PDE9A: variants seen among roughly 807,000 people sequenced by gnomAD.
PDE9A encodes the protein phosphodiesterase 9A.
A neutral mutation model predicts 87.4 loss-of-function variants in PDE9A; 60 were observed. That is an observed-to-expected ratio of 0.69 (90% confidence interval 0.56 to 0.85). PDE9A has a LOEUF of 0.85. PDE9A is among the 40% of genes least tolerant of loss of function. PDE9A has a pLI of 0.00. For synonymous variants in PDE9A, 272 were observed against 279.4 expected, an observed-to-expected ratio of 0.97 and a Z score of 0.27; for missense variants, 665 against 779.0, an observed-to-expected ratio of 0.85 and a Z score of 1.74.
chr21:42,754,082 A>G lies in PDE9A; in HGVS notation c.810+18A>G. The G allele has an allele frequency of 1.3e-6, 2 of 1,580,022 alleles. No individual in the cohort carries two copies. The highest frequency in any genetic ancestry group is 1.7e-6 in the Non-Finnish European group (2 of 1,150,532). On this transcript the variant is annotated intron_variant, in intron 10 of 19. Transcript: ENST00000291539. ...CCAATGAGGTAAGTGCGGGGCTTGC[A>G]GGCACCACGTCCCAGGGGGAGGCAG...
chr21:42,673,292 A>G (rs943974559), intron 1 of PDE9A, among the ~76,000 whole-genome samples: 11 of 152,254 alleles, frequency 7.2e-5, no homozygotes, highest in Middle Eastern at 3.4e-3. Context: ...TACAACATCA[A>G]CAACTGACCA....
rs537964286 is a variant in PDE9A, at chr21:42,692,739, G to C, written c.218+4745G>C. On this transcript the variant is annotated intron_variant, in intron 3 of 19. Coordinates refer to ENST00000291539, the MANE Select transcript of PDE9A (RefSeq NM_002606.3). The surrounding 1 kb of genome is among the most constrained non-coding windows in gnomAD (Gnocchi z 4.3). Reference sequence around the variant, plus strand: ...CCCTCTTCCCTCGCCGGCAGGTGACGTTACTGGCCTTTTCTTTTTTGGCCC... The same window carrying C: ...CCCTCTTCCCTCGCCGGCAGGTGACCTTACTGGCCTTTTCTTTTTTGGCCC... Among the ~76,000 whole-genome samples the C allele has an allele frequency of 6.6e-6, 1 of 152,076 alleles. No individual in the cohort carries two copies. Among genetic ancestry groups the C allele is most frequent in the Non-Finnish European group, 1.5e-5 (1 of 67,992 alleles).
intron 4 of PDE9A, among the ~76,000 whole-genome samples, chr21:42,726,533 TTTTCCAACACTACTGAAACACTA>T (rs1378274928): frequency 6.8e-6 from 1 of 146,544 alleles, no homozygotes; most frequent in East Asian, 2.0e-4. Flanking sequence ...GATATCTAAT[TTTTCCAACACTACTGAAACACTA>T]TTTCCAACAC....
In PDE9A at chr21:42,765,460, A is replaced by T; in HGVS notation, c.1322A>T (p.Asn441Ile). Residue 441 changes from asparagine (N) to isoleucine (I), a missense_variant, in exon 15 of 20, where the codon AAT becomes ATT. Physicochemically the swap from Asn to Ile is moderately radical, Grantham distance 149. Transcript: ENST00000291539. ...IMDSFKEKME[N>I]FDYSNEEHMT... is the part of the protein sequence containing the mutation. ...GATTCTTTCAAAGAGAAAATGGAGA[A>T]TTTTGACTACAGCAACGAGGAGCAC... 3 of 1,612,054 alleles carry T rather than the reference A, an allele frequency of 1.9e-6. No homozygotes were observed. The highest frequency in any genetic ancestry group is 2.5e-6 in the Non-Finnish European group (3 of 1,178,184).
At chr21:42,734,569 G>A (rs12483187) in intron 7 of PDE9A, 13,234 of 152,296 alleles carry the variant, frequency 0.087, 755 homozygotes, top group Middle Eastern at 0.16. Flanking sequence ...GAATGTCGTC[G>A]CTTTTCTTTT....
chr21:42,751,247 C>CAGGGCTGGGCGTGGGGCTGGGG, intron 9 of PDE9A, 50 bp downstream of exon 9: 1 of 1,323,678 alleles, frequency 7.6e-7, no homozygotes, highest in Non-Finnish European at 1.1e-6. Flanking sequence ...TCCCCAGCCC[C>CAGGGCTGGGCGTGGGGCTGGGG]ACGCCCAGCC....
rs934191731 is a variant in PDE9A at position 42,739,475 on chromosome 21, C to T, written c.569-4301C>T. On this transcript the variant is annotated intron_variant, in intron 7 of 19. Coordinates refer to ENST00000291539, the MANE Select transcript of PDE9A (RefSeq NM_002606.3). The surrounding 1 kb of genome is among the most constrained non-coding windows in gnomAD (Gnocchi z 4.1). ...CACATCCACCACATGCTCACCTCTG[C>T]CTCCTCCTGCAGACCTCCCCGCCAG... Among the ~76,000 whole-genome samples the T allele has an allele frequency of 6.6e-6, 1 of 152,214 alleles. No homozygotes were observed. Among genetic ancestry groups the T allele is most frequent in the African/African-American group, 2.4e-5 (1 of 41,446 alleles).
chr21:42,657,717 T>G (rs2057188063), intron 1 of PDE9A, among the ~76,000 whole-genome samples: 1 of 152,202 alleles, frequency 6.6e-6, no homozygotes, highest in South Asian at 2.1e-4. Context: ...GGCCAGGCTG[T>G]GGGCTCGGGT....
chr21:42,665,926 C>T (rs991173875), intron 1 of PDE9A, among the ~76,000 whole-genome samples: 2 of 152,220 alleles, frequency 1.3e-5, no homozygotes, highest in African/African-American at 2.4e-5. Flanking sequence ...GGCACCTCTG[C>T]GCCATGAGGC....
intron 1 of PDE9A, among the ~76,000 whole-genome samples, chr21:42,665,415 C>T (rs1216250904): frequency 6.6e-6 from 1 of 152,140 alleles, no homozygotes; most frequent in East Asian, 1.9e-4. Context: ...GAAGACCGTT[C>T]AACCTGCCCT....
At chr21:42,753,902 C>A in intron 9 of PDE9A, 88 bp from the exon 10 acceptor site, 11 of 642,354 alleles carry the variant, frequency 1.7e-5, no homozygotes, top group South Asian at 3.9e-5. Context: ...AGAAAGAGAA[C>A]GGGAGAAAGA....
intron 8 of PDE9A, among the ~76,000 whole-genome samples, chr21:42,746,732 G>T (rs371257936): frequency 6.6e-6 from 1 of 152,248 alleles, no homozygotes; most frequent in Non-Finnish European, 1.5e-5. Flanking sequence ...AGAGGAAGCC[G>T]CCAGGAACTC....
Position 42,759,098 on chromosome 21 carries a change from C to T in PDE9A, c.897+13C>T, listed in dbSNP as rs1003469091. Reference sequence around the variant, plus strand: ...CAGGAGGTGGCTGGTGAGTGCCAAACCCGCCTTCGGTTCTTCCTGGGCACG... The same window carrying T: ...CAGGAGGTGGCTGGTGAGTGCCAAATCCGCCTTCGGTTCTTCCTGGGCACG... On this transcript the variant is annotated intron_variant, in intron 11 of 19. Coordinates refer to ENST00000291539, the MANE Select transcript of PDE9A (RefSeq NM_002606.3). The surrounding 1 kb of genome is among the most constrained non-coding windows in gnomAD (Gnocchi z 7.2). 1 of 1,601,702 alleles carries T rather than the reference C, an allele frequency of 6.2e-7. No individual in the cohort carries two copies. The highest frequency in any genetic ancestry group is 1.3e-5 in the African/African-American group (1 of 74,676).
chr21:42,686,081 C>T lies in PDE9A; in HGVS notation c.70-111C>T. ...TCCCGTGCGTAGAGTTACAGCTTTT[C>T]TTTTCAAAACGAACCTTCAGTTTGG... On this transcript the variant is annotated intron_variant, in intron 1 of 19. Coordinates refer to ENST00000291539, the MANE Select transcript of PDE9A (RefSeq NM_002606.3). 5 of 742,584 alleles carry T rather than the reference C, an allele frequency of 6.7e-6. No individual in the cohort carries two copies. The South Asian group carries it at 7.9e-5, about 12-fold the overall frequency. The allele number at this position is 742,584 out of a possible 1,614,324, so 46.0% of individuals were successfully genotyped here.
intron 1 of PDE9A, among the ~76,000 whole-genome samples, chr21:42,684,914 G>A (rs1468449470): frequency 1.4e-5 from 2 of 145,888 alleles, no homozygotes; most frequent in Non-Finnish European, 1.5e-5. Context: ...GTTAGTCACA[G>A]AAAAAAAAAA....
chr21:42,772,099 C>G (rs1353667995), intron 18 of PDE9A, among the ~76,000 whole-genome samples: 1 of 152,136 alleles, frequency 6.6e-6, no homozygotes, highest in Non-Finnish European at 1.5e-5. Flanking sequence ...CTGCCTTCCC[C>G]CCTGTCAGCC....
intron 1 of PDE9A, among the ~76,000 whole-genome samples, chr21:42,661,671 C>T (rs1020709607): frequency 2.0e-5 from 3 of 152,256 alleles, no homozygotes; most frequent in African/African-American, 7.2e-5. Context: ...ATTTTTAAAG[C>T]CTCAGTCATT....
intron 1 of PDE9A, among the ~76,000 whole-genome samples, chr21:42,670,187 A>ACACACAGT (rs2058343160): frequency 6.9e-6 from 1 of 145,930 alleles, no homozygotes; most frequent in African/African-American, 2.7e-5. Flanking sequence ...ACATACACTT[A>ACACACAGT]CACACATTCA....
intron 4 of PDE9A, among the ~76,000 whole-genome samples, chr21:42,720,051 C>G (rs1017994187): frequency 1.3e-5 from 2 of 152,184 alleles, no homozygotes; most frequent in African/African-American, 4.8e-5. Context: ...TAAACTTTCC[C>G]AGAGGATTAT....
Sources: allele counts gnomAD v4.1 joint callset (sites outside exome capture counted in the v4.1 genomes callset), GRCh38; gene constraint gnomAD v4.1.1; non-coding constraint Gnocchi (gnomAD v3.1); transcripts MANE v1.5; gene names NCBI Gene and HGNC (gene_info 2026-07-23, HGNC 2026-07-21).